CCDC102A: variants seen among roughly 807,000 people sequenced by gnomAD.
CCDC102A encodes the protein coiled-coil domain containing 102A.
Under a neutral mutation model 55.5 loss-of-function variants are expected in CCDC102A, and 40 were observed. The ratio of observed to expected loss-of-function variants is 0.72; its 90% confidence interval spans 0.56 to 0.94. CCDC102A has a LOEUF of 0.94. Among genes scored for constraint, CCDC102A ranks in the 40% least tolerant of loss-of-function variants. CCDC102A has a pLI of 0.00. For missense variants in CCDC102A, 779 were observed against 768.6 expected (o/e 1.01, Z -0.16); for synonymous variants, 323 against 339.0 (o/e 0.95, Z 0.52).
chr16:57,529,315 C>T lies in CCDC102A; in HGVS notation c.-138G>A. 1 of 1,101,856 alleles carries T rather than the reference C, an allele frequency of 9.1e-7. No individual in the cohort carries two copies. Among genetic ancestry groups the T allele is most frequent in the Non-Finnish European group, 1.1e-6 (1 of 899,410 alleles). The allele number at this position is 1,101,856 out of a possible 1,614,324, so 68.3% of individuals were successfully genotyped here. On this transcript the variant is annotated 5_prime_UTR_variant, in exon 2 of 9. Coordinates refer to ENST00000258214, the MANE Select transcript of CCDC102A (RefSeq NM_033212.4). This position sits in a 1 kb window ranked among gnomAD's most constrained non-coding sequence, Gnocchi z 4.1. ...CTCTGGGCCACCGGGCGGAGGACGCCTCCTCGGACCTACGGGAGAACACAA... is the reference window on the plus strand; with the variant it reads ...CTCTGGGCCACCGGGCGGAGGACGCTTCCTCGGACCTACGGGAGAACACAA...
chr16:57,520,179 C>CTCCTGCGGCCTCGCCTCTCACT (rs1185106795), intron 4 of CCDC102A, among the ~76,000 whole-genome samples: 6 of 152,220 alleles, frequency 3.9e-5, no homozygotes, highest in Non-Finnish European at 7.3e-5. Flanking sequence ...ACAAGGCCCC[C>CTCCTGCGGCCTCGCCTCTCACT]TCCTGCGGCC....
rs745458166 is a variant in CCDC102A, at chr16:57,521,138, T to A, written c.851A>T (p.Glu284Val). 1 of 1,613,518 alleles carries A rather than the reference T, an allele frequency of 6.2e-7. No homozygotes were observed. The highest frequency in any genetic ancestry group is 1.7e-5 in the Admixed American group (1 of 60,008). ...LALSRNIEKL[E>V]GELSQWKIKY... is the part of the protein sequence containing the mutation. ...GATCTTCCACTGGCTGAGCTCCCCC[T>A]CTAGCTTCTCAATGTTCCTGCTCAA... The change falls in exon 4 of 9, where the codon GAG becomes GTG. Residue 284 changes from glutamate to valine, a missense_variant. Glu to Val is a moderately radical substitution (Grantham distance 121). Transcript: ENST00000258214.
chr16:57,517,997 T>C, intron 6 of CCDC102A, 71 bp downstream of exon 6: 1 of 1,476,052 alleles, frequency 6.8e-7, no homozygotes, highest in South Asian at 1.3e-5. Context: ...TGACACATAG[T>C]AGGGAAGCTG....
chr16:57,529,290 C>T lies in CCDC102A; in HGVS notation c.-113G>A. The T allele has an allele frequency of 8.9e-7, 1 of 1,118,900 alleles. No homozygotes were observed. Among genetic ancestry groups the T allele is most frequent in the Non-Finnish European group, 1.1e-6 (1 of 914,384 alleles). The allele number at this position is 1,118,900 out of a possible 1,614,324, so 69.3% of individuals were successfully genotyped here. A position where few individuals can be genotyped will look rare whatever the true frequency, so the allele number is the denominator to read the frequency against. ...CATGATGACGCCGTGCCCCGCTTCC[C>T]TCTGGGCCACCGGGCGGAGGACGCC... On this transcript the variant is annotated 5_prime_UTR_variant, in exon 2 of 9. Coordinates refer to ENST00000258214, the MANE Select transcript of CCDC102A (RefSeq NM_033212.4). This position sits in a 1 kb window ranked among gnomAD's most constrained non-coding sequence, Gnocchi z 4.1.
chr16:57,515,404 G>C lies in CCDC102A; in HGVS notation c.1460C>G (p.Ser487Trp). 6.2e-7 allele frequency: 1 copy of C among 1,609,120 alleles called. No homozygotes were observed. The highest frequency in any genetic ancestry group is 8.5e-7 in the Non-Finnish European group (1 of 1,179,114). ...GCTCTGCTCCGTCTGCTCGTCCAGC[G>C]ACCGCTGCAGCTTACGTGCCTGGTT... ...AHNQARKLQR[S>W]LDEQTEQSEN... Residue 487 changes from serine (S) to tryptophan (W), a missense_variant, in exon 8 of 9, where the codon TCG becomes TGG. Physicochemically the swap from Ser to Trp is radical, Grantham distance 177 (BLOSUM62 -3). Transcript: ENST00000258214.
intron 1 of CCDC102A, among the ~76,000 whole-genome samples, chr16:57,531,357 C>A (rs1448630630): frequency 6.6e-6 from 1 of 151,996 alleles, no homozygotes; most frequent in African/African-American, 2.4e-5. Context: ...TTTCCTCCCC[C>A]ACCCACCGCC....
chr16:57,516,510 A>C lies in CCDC102A; in HGVS notation c.1249-47T>G, dbSNP rs777906935. On this transcript the variant is annotated intron_variant, in intron 6 of 8. Transcript: ENST00000258214. The surrounding 1 kb of genome is among the most constrained non-coding windows in gnomAD (Gnocchi z 4.4). ...TGGGAGGGAGGAGGGAATCAGTATC[A>C]GCTTGGGCGCCATGCCAGGGAGTCC... is the stretch of plus-strand genomic sequence containing the variant. The C allele has an allele frequency of 1.3e-6, 2 of 1,559,662 alleles. No individual in the cohort carries two copies. Among genetic ancestry groups the C allele is most frequent in the East Asian group, 4.5e-5 (2 of 44,432 alleles).
Position 57,518,291 on chromosome 16 carries a change from G to A in CCDC102A, c.1039-14C>T, listed in dbSNP as rs1024114094. 6.2e-7 allele frequency: 1 copy of A among 1,604,780 alleles called. No homozygotes were observed. Among genetic ancestry groups the A allele is most frequent in the Non-Finnish European group, 8.5e-7 (1 of 1,179,074 alleles). ...CAGCCGCTCCATCTGCAGCAGGGCA[G>A]GGCAGAGTGAGGACTCCCAGCGGAG... On this transcript the variant is annotated splice_polypyrimidine_tract_variant and intron_variant, in intron 5 of 8. Coordinates refer to ENST00000258214, the MANE Select transcript of CCDC102A (RefSeq NM_033212.4).
chr16:57,530,593 C>T lies in CCDC102A; in HGVS notation c.-147-1269G>A, dbSNP rs558492670. Among the ~76,000 whole-genome samples, 6 of 152,240 alleles carry T rather than the reference C, an allele frequency of 3.9e-5. No individual in the cohort carries two copies. In the South Asian group the frequency reaches 8.3e-4, roughly 21 times the overall value. On this transcript the variant is annotated intron_variant, in intron 1 of 8. Transcript: ENST00000258214. ...ACCTCATTCTCGGCAGATGATCTAT[C>T]GTCATGATTTGCAGTGAAAAAGGAA... is the stretch of plus-strand genomic sequence containing the variant.
chr16:57,536,210 C>G (rs1055969857), intron 1 of CCDC102A, among the ~76,000 whole-genome samples: 1 of 152,086 alleles, frequency 6.6e-6, no homozygotes, highest in East Asian at 1.9e-4. Context: ...CCGCCCGCCG[C>G]CCCCTCCCGT....
chr16:57,515,208 A>G (rs1253698858), intron 8 of CCDC102A, 133 bp downstream of exon 8: 4 of 673,238 alleles, frequency 5.9e-6, no homozygotes, highest in East Asian at 2.7e-5. Context: ...CGGAGGGGAC[A>G]GGATTCTGGC....
rs774430065 is a variant in CCDC102A at position 57,521,172 on chromosome 16, T to G, written c.817A>C (p.Lys273Gln). ...TCAATGTTCCTGCTCAACGCCAGTT[T>G]ATCCCTGGGGAAGGGACAGACATGG... The part of the protein sequence containing the change: ...QKVLLKERED[K>Q]LALSRNIEKL... Residue 273 changes from lysine (K) to glutamine (Q), a missense_variant, in exon 4 of 9, where the codon AAA (lysine) becomes CAA (glutamine). Transcript: ENST00000258214. The G allele has an allele frequency of 6.2e-7, 1 of 1,611,794 alleles. No homozygotes were observed. Among genetic ancestry groups the G allele is most frequent in the Non-Finnish European group, 8.5e-7 (1 of 1,179,186 alleles).
chr16:57,533,156 G>T (rs1335004221), intron 1 of CCDC102A, among the ~76,000 whole-genome samples: 1 of 152,172 alleles, frequency 6.6e-6, no homozygotes. Flanking sequence ...CCTTCCCAGC[G>T]GCCTGGCCAG....
chr16:57,521,686 C>A (rs1306911776), intron 3 of CCDC102A, among the ~76,000 whole-genome samples: 1 of 152,210 alleles, frequency 6.6e-6, no homozygotes, highest in Admixed American at 6.5e-5. Context: ...TTCTCTCTTG[C>A]CATCGACACT....
intron 8 of CCDC102A, among the ~76,000 whole-genome samples, chr16:57,514,988 A>G (rs1250379127): frequency 1.3e-5 from 2 of 151,940 alleles, no homozygotes; most frequent in African/African-American, 4.8e-5. Context: ...TCTTGGTGTC[A>G]CCTGGGCCCA....
intron 8 of CCDC102A, 47 bp from the exon 9 acceptor site, chr16:57,512,917 C>A (rs1230092586): frequency 4.5e-6 from 7 of 1,564,200 alleles, no homozygotes; most frequent in Admixed American, 1.7e-5. Context: ...GGCTGGTAGT[C>A]CCCCGATAAG....
In CCDC102A at chr16:57,512,641, G is replaced by A; in HGVS notation, c.*100C>T. 6.9e-7 allele frequency: 1 copy of A among 1,445,848 alleles called. No individual in the cohort carries two copies. The highest frequency in any genetic ancestry group is 9.3e-7 in the Non-Finnish European group (1 of 1,073,260). 89.6% of individuals were successfully genotyped at this position (1,445,848 alleles called of 1,614,324 possible). A position where few individuals can be genotyped will look rare whatever the true frequency, so the allele number is the denominator to read the frequency against. ...AGAAAGTCGGCTGTGGCAGGGACTG[G>A]TCCCAGAGTGAGCCTAGGCACTGCA... On this transcript the variant is annotated 3_prime_UTR_variant, in exon 9 of 9. Transcript: ENST00000258214.
chr16:57,527,729 G>T (rs1413390428), intron 2 of CCDC102A, among the ~76,000 whole-genome samples: 1 of 152,134 alleles, frequency 6.6e-6, no homozygotes, highest in Non-Finnish European at 1.5e-5. Context: ...CCTTACTTCT[G>T]AATCTCTCTG....
chr16:57,529,507 G>A lies in CCDC102A; in HGVS notation c.-147-183C>T, dbSNP rs2032214064. 6.6e-6 allele frequency among the ~76,000 whole-genome samples: 1 copy of A among 152,170 alleles called. No homozygotes were observed. The highest frequency in any genetic ancestry group is 1.5e-5 in the Non-Finnish European group (1 of 68,022). ...CCGCAAAGGCCTCCTCAGTGGCCTC[G>A]ACTCCCTGCTCCAATCCCTTCACCC... is the stretch of plus-strand genomic sequence containing the variant. On this transcript the variant is annotated intron_variant, in intron 1 of 8. Coordinates refer to ENST00000258214, the MANE Select transcript of CCDC102A (RefSeq NM_033212.4). This position sits in a 1 kb window ranked among gnomAD's most constrained non-coding sequence, Gnocchi z 4.1.
Sources: allele counts gnomAD v4.1 joint callset (sites outside exome capture counted in the v4.1 genomes callset), GRCh38; gene constraint gnomAD v4.1.1; non-coding constraint Gnocchi (gnomAD v3.1); transcripts MANE v1.5; gene names NCBI Gene and HGNC (gene_info 2026-07-23, HGNC 2026-07-21).